NINJ2: variants seen among roughly 807,000 people sequenced by gnomAD.
The protein encoded by NINJ2 is ninjurin-2.
In NINJ2, 12 loss-of-function variants were observed where a neutral mutation model predicts 11.7. That is an observed-to-expected ratio of 1.02 (90% CI 0.66 to 1.66). NINJ2 has a LOEUF of 1.66. Ranked by LOEUF, NINJ2 falls within the 40% of genes most tolerant of loss-of-function variation. The pLI, the probability that NINJ2 is intolerant of heterozygous loss-of-function variation, is 0.00. For missense variants in NINJ2, 187 were observed against 181.8 expected (o/e 1.03, Z -0.16); for synonymous variants, 93 against 76.8 (o/e 1.21, Z -1.10).
chr12:567,357 A>G (rs752918993), intron 1 of NINJ2, among the ~76,000 whole-genome samples: 3 of 152,150 alleles, frequency 2.0e-5, no homozygotes, highest in Admixed American at 1.3e-4. Flanking sequence ...GCGTGCCTAT[A>G]TATGCACAGT....
chr12:627,984 G>A (rs1948229147), intron 1 of NINJ2, among the ~76,000 whole-genome samples: 1 of 152,196 alleles, frequency 6.6e-6, no homozygotes, highest in Non-Finnish European at 1.5e-5. Flanking sequence ...TTCCTGTCCT[G>A]TCCCTGTCCC....
intron 1 of NINJ2, among the ~76,000 whole-genome samples, chr12:604,153 G>A (rs1239200649): frequency 6.6e-6 from 1 of 152,186 alleles, no homozygotes; most frequent in African/African-American, 2.4e-5. Context: ...CACAGTTCTA[G>A]GATCAGCTCT....
intron 1 of NINJ2, among the ~76,000 whole-genome samples, chr12:609,789 A>AAAAAAAAAAAAAAAAGAG (rs71439346): frequency 8.6e-6 from 1 of 116,628 alleles, no homozygotes; most frequent in Non-Finnish European, 1.8e-5. Context: ...AAAAAAAAAT[A>AAAAAAAAAAAAAAAAGAG]GGGAAAACAA....
intron 1 of NINJ2, among the ~76,000 whole-genome samples, chr12:602,635 G>A (rs1947887072): frequency 6.6e-6 from 1 of 152,080 alleles, no homozygotes; most frequent in African/African-American, 2.4e-5. Flanking sequence ...GTTAATTGCT[G>A]GGTCATACCG....
intron 2 of NINJ2, 62 bp from the exon 3 acceptor site, chr12:565,463 C>G (rs73594223): frequency 0.027 from 41,352 of 1,516,584 alleles, 2,680 homozygotes; most frequent in Admixed American, 0.18. Flanking sequence ...GAGCTGCCCC[C>G]ACAACACCCA....
At chr12:570,064 C>T (rs1947356466) in intron 1 of NINJ2, among the ~76,000 whole-genome samples, 1 of 152,176 alleles carries the variant, frequency 6.6e-6, no homozygotes, top group South Asian at 2.1e-4. Context: ...GAGCCTCGCC[C>T]GCAAGTCTGG....
intron 1 of NINJ2, among the ~76,000 whole-genome samples, chr12:641,680 T>TA (rs34689219): frequency 0.31 from 46,253 of 151,496 alleles, 7,116 homozygotes; most frequent in Non-Finnish European, 0.33. Context: ...CCGTCTCTAC[T>TA]AAAAAATACA....
chr12:566,921 T>C (rs1947308612), intron 1 of NINJ2, among the ~76,000 whole-genome samples: 1 of 152,248 alleles, frequency 6.6e-6, no homozygotes, highest in Non-Finnish European at 1.5e-5. Flanking sequence ...ACAGGGCATA[T>C]GCTGTGGGCC....
At chr12:586,608 C>A (rs546804562) in intron 1 of NINJ2, 2 of 152,336 alleles carry the variant, frequency 1.3e-5, no homozygotes, top group African/African-American at 4.8e-5. Context: ...AGCTCCCATC[C>A]GCCCACAGGG....
intron 1 of NINJ2, among the ~76,000 whole-genome samples, chr12:598,013 G>A (rs1805413865): frequency 6.6e-6 from 1 of 152,230 alleles, no homozygotes; most frequent in Non-Finnish European, 1.5e-5. Context: ...ATGTAGGTAG[G>A]AGGTCCCCTG....
chr12:659,944 G>A (rs1937935376), intron 1 of NINJ2, among the ~76,000 whole-genome samples: 1 of 152,054 alleles, frequency 6.6e-6, no homozygotes, highest in African/African-American at 2.4e-5. Context: ...GTATAAAGGT[G>A]TCAAAAAACT....
Position 633,510 on chromosome 12 carries a change from AT to A in NINJ2, c.33+29817del, listed in dbSNP as rs1415335762. Among the ~76,000 whole-genome samples the A allele has an allele frequency of 1.3e-5, 2 of 151,850 alleles. No individual in the cohort carries two copies. The highest frequency in any genetic ancestry group is 2.1e-4 in the South Asian group (1 of 4,812). On this transcript the variant is annotated intron_variant, in intron 1 of 3. Coordinates refer to ENST00000305108, the MANE Select transcript of NINJ2 (RefSeq NM_016533.6). This position sits in a 1 kb window ranked among gnomAD's most constrained non-coding sequence, Gnocchi z 4.3. ...AAGAGACTGTCTCCAAAAAAAAAAAATCATGTCATTTAAAAACTTCTGAGGC... is the reference window on the plus strand; with the variant it reads ...AAGAGACTGTCTCCAAAAAAAAAAAACATGTCATTTAAAAACTTCTGAGGC...
chr12:630,334 AT>A (rs201097318), intron 1 of NINJ2, among the ~76,000 whole-genome samples: 13 of 151,020 alleles, frequency 8.6e-5, no homozygotes, highest in Admixed American at 1.3e-4. Flanking sequence ...AGCTGCTTCT[AT>A]TTTTTTTTAT....
At chr12:566,652 T>C (rs1350491758) in intron 1 of NINJ2, among the ~76,000 whole-genome samples, 2 of 152,186 alleles carry the variant, frequency 1.3e-5, no homozygotes, top group African/African-American at 4.8e-5. Context: ...CAAGGCAGGG[T>C]GCACAGCTCA....
intron 1 of NINJ2, among the ~76,000 whole-genome samples, chr12:636,376 C>CAAATAAAT (rs1342822754): frequency 1.8e-5 from 2 of 108,270 alleles, no homozygotes; most frequent in Non-Finnish European, 1.9e-5. Flanking sequence ...AACTCCATCT[C>CAAATAAAT]AAATAAATAA....
At chr12:662,139 C>T (rs1186839637) in intron 1 of NINJ2, among the ~76,000 whole-genome samples, 1 of 152,160 alleles carries the variant, frequency 6.6e-6, no homozygotes, top group Non-Finnish European at 1.5e-5. Flanking sequence ...GAGCTGAGAC[C>T]TGAATGTACT....
intron 1 of NINJ2, among the ~76,000 whole-genome samples, chr12:595,646 G>A (rs1410886199): frequency 2.0e-5 from 3 of 152,140 alleles, no homozygotes; most frequent in Non-Finnish European, 4.4e-5. Flanking sequence ...CCAGTTACTC[G>A]GGAGGCTGAG....
intron 1 of NINJ2, among the ~76,000 whole-genome samples, chr12:589,236 A>T (rs1947685575): frequency 6.6e-6 from 1 of 152,226 alleles, no homozygotes; most frequent in Non-Finnish European, 1.5e-5. Flanking sequence ...TTCTTGTTCA[A>T]TCAGTAAAAA....
chr12:565,624 C>A, intron 2 of NINJ2: 1 of 613,456 alleles, frequency 1.6e-6, no homozygotes, highest in South Asian at 2.0e-5. Flanking sequence ...GGAACTTAAG[C>A]TGGGTCCTGT....
Sources: allele counts gnomAD v4.1 joint callset (sites outside exome capture counted in the v4.1 genomes callset), GRCh38; gene constraint gnomAD v4.1.1; non-coding constraint Gnocchi (gnomAD v3.1); transcripts MANE v1.5; gene names NCBI Gene and HGNC (gene_info 2026-07-23, HGNC 2026-07-21).